The following FAM228B variants were observed in gnomAD, a reference collection of about 807,000 sequenced individuals.
The protein encoded by FAM228B is protein FAM228B.
FAM228B carries 38 observed loss-of-function variants against 42.6 expected under a neutral mutation model. The ratio of observed to expected loss-of-function variants is 0.89; its 90% CI spans 0.69 to 1.17. The LOEUF (loss-of-function observed/expected upper bound fraction) is 1.17. FAM228B is among the 50% of genes most tolerant of loss of function. The pLI is 0.00. For missense variants in FAM228B, 344 were observed against 367.3 expected, an observed-to-expected ratio of 0.94 and a Z score of 0.52; for synonymous variants, 109 against 122.3, an observed-to-expected ratio of 0.89 and a Z score of 0.72.
At chr2:24,118,238 C>T (rs1203629845) in intron 3 of FAM228B, among the ~76,000 whole-genome samples, 1 of 152,160 alleles carries the variant, frequency 6.6e-6, no homozygotes, top group Non-Finnish European at 1.5e-5. Context: ...GCTCTCTGCT[C>T]CTGCCCTACA....
Position 24,084,195 on chromosome 2 carries a change from T to TA in FAM228B, c.-210+3242dup, listed in dbSNP as rs2150987702. 3 of 1,612,252 alleles carry TA rather than the reference T, an allele frequency of 1.9e-6. No individual in the cohort carries two copies. Among genetic ancestry groups the TA allele is most frequent in the Non-Finnish European group, 2.5e-6 (3 of 1,179,492 alleles). On this transcript the variant is annotated intron_variant, in intron 2 of 10. Coordinates refer to the FAM228B transcript ENST00000613899. This position sits in a 1 kb window ranked among gnomAD's most constrained non-coding sequence, Gnocchi z 8.4. ...GCGGCTGAGCCCTGGGTACCTGCAT[T>TA]AAGTCCGCCCGGTTCAGGGCGCTGG...
intron 3 of FAM228B, 74 bp downstream of exon 3, chr2:24,135,261 T>C: frequency 1.3e-6 from 1 of 795,736 alleles, no homozygotes; most frequent in Non-Finnish European, 2.0e-6. Context: ...TAGCATATTC[T>C]ATAAAAACTA....
At chr2:24,118,448 C>A (rs745675605) in intron 3 of FAM228B, among the ~76,000 whole-genome samples, 5 of 152,198 alleles carry the variant, frequency 3.3e-5, no homozygotes, top group Non-Finnish European at 7.3e-5. Context: ...TTGATTTATT[C>A]ATCAAACATG....
chr2:24,123,599 C>T (rs1044749924), intron 1 of FAM228B, 66 bp downstream of exon 1: 16 of 152,044 alleles, frequency 1.1e-4, no homozygotes, highest in African/African-American at 2.9e-4. Flanking sequence ...AGTCGGACGG[C>T]TCCGGGGTCG....
intron 5 of FAM228B, among the ~76,000 whole-genome samples, chr2:24,145,041 A>C (rs963206870): frequency 1.3e-5 from 2 of 152,134 alleles, no homozygotes; most frequent in Non-Finnish European, 2.9e-5. Flanking sequence ...CTGGAGACAA[A>C]GGGTTGTCTC....
chr2:24,158,564 A>T (rs1270178118), intron 7 of FAM228B, among the ~76,000 whole-genome samples: 1 of 152,022 alleles, frequency 6.6e-6, no homozygotes, highest in Non-Finnish European at 1.5e-5. Flanking sequence ...TAGAAACTTT[A>T]ATCTGATGTG....
rs1409619423 is a variant in FAM228B, at chr2:24,084,320, C to G, written c.-210+3365C>G. 6.2e-7 allele frequency: 1 copy of G among 1,613,584 alleles called. No homozygotes were observed. The highest frequency in any genetic ancestry group is 8.5e-7 in the Non-Finnish European group (1 of 1,179,944). On this transcript the variant is annotated intron_variant, in intron 2 of 10. Coordinates refer to the FAM228B transcript ENST00000613899. This position sits in a 1 kb window ranked among gnomAD's most constrained non-coding sequence, Gnocchi z 8.4. ...CCTCCCGGCTTGTCAAAGTGCACGG[C>G]TAACATATTGTCTGAGGACACAGGG...
At chr2:24,093,185 C>T (rs977026394) in intron 2 of FAM228B, among the ~76,000 whole-genome samples, 1 of 151,924 alleles carries the variant, frequency 6.6e-6, no homozygotes, top group Non-Finnish European at 1.5e-5. Context: ...GTTGAAGGTG[C>T]AGGTTTGTTA....
At chr2:24,097,585 A>G (rs1018680418) in intron 3 of FAM228B, 1 of 152,210 alleles carries the variant, frequency 6.6e-6, no homozygotes, top group African/African-American at 2.4e-5. Flanking sequence ...AGAGCTAACT[A>G]TCCTAAATAT....
chr2:24,159,201 A>G (rs142321523), intron 7 of FAM228B, among the ~76,000 whole-genome samples: 14 of 152,374 alleles, frequency 9.2e-5, no homozygotes, highest in African/African-American at 2.4e-4. Flanking sequence ...AATAAGGTCA[A>G]ATTCACAGAT....
rs549371450 is a variant in FAM228B, at chr2:24,125,026, T to A, written c.99+566T>A. On this transcript the variant is annotated intron_variant, in intron 2 of 10. Transcript: ENST00000615575. ...CAGTTATATTGTTTTTAGATTGTAGTTTCTTTTTTCTAAACAGCTTTATTA... is the reference window on the plus strand; with the variant it reads ...CAGTTATATTGTTTTTAGATTGTAGATTCTTTTTTCTAAACAGCTTTATTA... Among the ~76,000 whole-genome samples the A allele has an allele frequency of 5.3e-5, 8 of 152,302 alleles. No individual in the cohort carries two copies. The South Asian group carries it at 1.7e-3, about 32-fold the overall frequency.
chr2:24,098,501 C>G (rs1038727889), intron 3 of FAM228B, among the ~76,000 whole-genome samples: 7 of 152,220 alleles, frequency 4.6e-5, no homozygotes, highest in African/African-American at 1.7e-4. Flanking sequence ...ATACTATAAA[C>G]ACTTCTTTGC....
intron 2 of FAM228B, among the ~76,000 whole-genome samples, chr2:24,092,745 T>C (rs1298188430): frequency 6.6e-6 from 1 of 152,092 alleles, no homozygotes; most frequent in Non-Finnish European, 1.5e-5. Flanking sequence ...AGAAACAAAG[T>C]AGATCCCATC....
At chr2:24,102,881 C>T (rs1665632954) in intron 3 of FAM228B, among the ~76,000 whole-genome samples, 2 of 152,214 alleles carry the variant, frequency 1.3e-5, no homozygotes, top group Non-Finnish European at 2.9e-5. Flanking sequence ...AATCAAATTA[C>T]TTTGTATCAG....
chr2:24,124,425 G>C lies in FAM228B; in HGVS notation c.64G>C (p.Glu22Gln), dbSNP rs1234646134. ...ACTTCCCAAGCTCAAGAGCTCAAAAGAATGGTTGGAGCCCAAGCCCCTTTG... is the reference window on the plus strand; with the variant it reads ...ACTTCCCAAGCTCAAGAGCTCAAAACAATGGTTGGAGCCCAAGCCCCTTTG... ...GTLPKLKSSK[E>Q]WLEPKPLCFM... The change falls in exon 2 of 11, where the codon GAA becomes CAA. Residue 22 changes from glutamate (E) to glutamine (Q), a missense_variant. By Grantham distance (29) the Glu-to-Gln change is conservative (BLOSUM62 2). Transcript: ENST00000615575. 6.4e-7 allele frequency: 1 copy of C among 1,551,740 alleles called. No individual in the cohort carries two copies. The highest frequency in any genetic ancestry group is 8.7e-7 in the Non-Finnish European group (1 of 1,146,986).
chr2:24,147,458 A>C (rs1666924264), intron 7 of FAM228B, among the ~76,000 whole-genome samples: 1 of 151,912 alleles, frequency 6.6e-6, no homozygotes, highest in East Asian at 1.9e-4. Context: ...ATCACTTCAA[A>C]TATTTCTTAT....
intron 2 of FAM228B, among the ~76,000 whole-genome samples, chr2:24,093,363 C>G (rs1477897479): frequency 6.6e-6 from 1 of 151,862 alleles, no homozygotes; most frequent in Non-Finnish European, 1.5e-5. Context: ...CACGTGTTCT[C>G]ATTGTTCATC....
At chr2:24,085,896 A>G (rs1319083253) in intron 2 of FAM228B, 2 of 152,222 alleles carry the variant, frequency 1.3e-5, no homozygotes, top group Non-Finnish European at 2.9e-5. Flanking sequence ...AAATAATAAA[A>G]TGATGGGACT....
intron 1 of FAM228B, chr2:24,079,672 C>T: frequency 1.9e-6 from 3 of 1,599,256 alleles, no homozygotes; most frequent in Non-Finnish European, 2.6e-6. Context: ...TGATGCTAGT[C>T]AGCTTGGTGC....
Sources: gnomAD v4.1 joint callset for allele counts (sites outside exome capture counted in the v4.1 genomes callset) on GRCh38, gnomAD v4.1.1 for gene constraint, Gnocchi (gnomAD v3.1) non-coding constraint, MANE v1.5 for transcripts, NCBI Gene and HGNC (gene_info 2026-07-23, HGNC 2026-07-21) for gene names.